The following GALNT13 variants were observed in gnomAD, a reference collection of about 807,000 sequenced individuals.
The protein encoded by GALNT13 is UDP-GalNAc:polypeptide N-acetylgalactosaminyltransferase 13.
Under a neutral mutation model 64.2 loss-of-function variants are expected in GALNT13, and 28 were observed. The observed-to-expected ratio is 0.44, with a 90% confidence interval of 0.32 to 0.60. The LOEUF (loss-of-function observed/expected upper bound fraction) is 0.60. Ranked by LOEUF, GALNT13 falls within the 20% of genes least tolerant of loss-of-function variation. GALNT13 has a pLI of 0.05. For missense variants in GALNT13, 577 were observed against 669.8 expected, an observed-to-expected ratio of 0.86 and a Z score of 1.53; for synonymous variants, 214 against 224.6, an observed-to-expected ratio of 0.95 and a Z score of 0.42.
intron 3 of GALNT13, among the ~76,000 whole-genome samples, chr2:153,974,780 A>G (rs1196668785): frequency 6.6e-6 from 1 of 151,970 alleles, no homozygotes; most frequent in South Asian, 2.1e-4. Context: ...TTAGAGATAG[A>G]CTAATTCAAG....
chr2:153,410,650 T>G, the GALNT13 span, among the ~76,000 whole-genome samples: 1 of 152,140 alleles, frequency 6.6e-6, no homozygotes. Context: ...ATTCTCTTGT[T>G]AAAAAAGTTT....
At chr2:154,030,953 T>C (rs1378599044) in intron 3 of GALNT13, among the ~76,000 whole-genome samples, 1 of 152,092 alleles carries the variant, frequency 6.6e-6, no homozygotes, top group Non-Finnish European at 1.5e-5. Context: ...CAGACTAGTA[T>C]AGCTATACAG....
At chr2:154,417,501 A>ATTTATTTG (rs1700066377) in intron 11 of GALNT13, among the ~76,000 whole-genome samples, 1 of 133,974 alleles carries the variant, frequency 7.5e-6, no homozygotes, top group African/African-American at 3.0e-5. Flanking sequence ...TTATTTATTT[A>ATTTATTTG]TTTATTTATT....
the GALNT13 span, among the ~76,000 whole-genome samples, chr2:153,829,973 A>G: frequency 6.6e-6 from 1 of 152,104 alleles, no homozygotes; most frequent in African/African-American, 2.4e-5. Context: ...CTGAGTATAT[A>G]TTTCCTTTAA....
At chr2:153,407,134 C>T in the GALNT13 span, among the ~76,000 whole-genome samples, 1 of 152,046 alleles carries the variant, frequency 6.6e-6, no homozygotes, top group Non-Finnish European at 1.5e-5. Flanking sequence ...AAAACCTGGT[C>T]TCATAACTTG....
the GALNT13 span, among the ~76,000 whole-genome samples, chr2:153,569,987 T>C: frequency 6.6e-6 from 1 of 152,154 alleles, no homozygotes; most frequent in South Asian, 2.1e-4. Context: ...AACAAAATGT[T>C]TTTTGAAGAA....
intron 7 of GALNT13, among the ~76,000 whole-genome samples, chr2:154,254,271 G>A (rs1210701700): frequency 6.6e-6 from 1 of 152,210 alleles, no homozygotes; most frequent in Admixed American, 6.5e-5. Flanking sequence ...AGAGGAGCTC[G>A]TTGGGTAGCC....
intron 4 of GALNT13, among the ~76,000 whole-genome samples, chr2:154,222,224 A>C (rs930104160): frequency 2.6e-5 from 4 of 152,128 alleles, no homozygotes; most frequent in African/African-American, 9.7e-5. Flanking sequence ...GTCTTACTGA[A>C]ATCAAATAAT....
chr2:153,919,971 T>C (rs1210992859), intron 2 of GALNT13, among the ~76,000 whole-genome samples: 1 of 148,364 alleles, frequency 6.7e-6, no homozygotes, highest in East Asian at 1.9e-4. Flanking sequence ...CCCCATTATA[T>C]ATAATACAGT....
chr2:153,342,239 C>T, the GALNT13 span, among the ~76,000 whole-genome samples: 2 of 152,106 alleles, frequency 1.3e-5, no homozygotes, highest in African/African-American at 2.4e-5. Context: ...ATGAAAATGG[C>T]GACTGTTGTC....
chr2:154,121,705 T>C (rs1218787143), intron 3 of GALNT13, among the ~76,000 whole-genome samples: 1 of 151,872 alleles, frequency 6.6e-6, no homozygotes, highest in Non-Finnish European at 1.5e-5. Flanking sequence ...ACTATAGCAC[T>C]ATTTGCTATA....
chr2:153,092,715 C>G, the GALNT13 span, among the ~76,000 whole-genome samples: 10 of 152,126 alleles, frequency 6.6e-5, no homozygotes, highest in East Asian at 1.9e-4. Context: ...ATTTGTATAT[C>G]AGTTCTAATA....
chr2:153,621,278 C>T, the GALNT13 span, among the ~76,000 whole-genome samples: 2 of 152,176 alleles, frequency 1.3e-5, no homozygotes, highest in African/African-American at 4.8e-5. Context: ...CCACAGCTAT[C>T]AGTACAAATA....
At chr2:154,269,571 A>G (rs996251262) in intron 8 of GALNT13, among the ~76,000 whole-genome samples, 7 of 151,832 alleles carry the variant, frequency 4.6e-5, no homozygotes, top group Admixed American at 2.0e-4. Context: ...AAAAAATCCT[A>G]TGAAATCATA....
chr2:153,266,537 C>A, the GALNT13 span, among the ~76,000 whole-genome samples: 1 of 151,654 alleles, frequency 6.6e-6, no homozygotes, highest in Non-Finnish European at 1.5e-5. Context: ...CAGTGGAAGG[C>A]AAAGGAGAAG....
intron 9 of GALNT13, among the ~76,000 whole-genome samples, chr2:154,360,832 C>T (rs569553360): frequency 1.3e-5 from 2 of 152,012 alleles, no homozygotes; most frequent in South Asian, 2.1e-4. Flanking sequence ...TAAGTCTATA[C>T]AAGAATTCAG....
the GALNT13 span, among the ~76,000 whole-genome samples, chr2:153,122,421 G>A: frequency 6.6e-6 from 1 of 152,202 alleles, no homozygotes; most frequent in Non-Finnish European, 1.5e-5. Context: ...TGAGGCAGTT[G>A]AAGAAATGGA....
At chr2:153,948,561 T>A (rs1489110724) in intron 3 of GALNT13, among the ~76,000 whole-genome samples, 3 of 152,250 alleles carry the variant, frequency 2.0e-5, no homozygotes, top group South Asian at 4.1e-4. Context: ...CATGCATATG[T>A]TCATTGCAAC....
chr2:154,123,543 A>G (rs947965641), intron 3 of GALNT13, among the ~76,000 whole-genome samples: 13 of 151,996 alleles, frequency 8.6e-5, no homozygotes, highest in African/African-American at 2.4e-4. Context: ...TACACACTCA[A>G]TAACATGGCT....
Sources: gnomAD v4.1 joint callset for allele counts (sites outside exome capture counted in the v4.1 genomes callset) on GRCh38, gnomAD v4.1.1 for gene constraint, MANE v1.5 for transcripts, NCBI Gene and HGNC (gene_info 2026-07-23, HGNC 2026-07-21) for gene names.